MYOM3: variants seen among roughly 807,000 people sequenced by gnomAD.
MYOM3 encodes the protein myomesin 3, also known as myomesin-3.
A neutral mutation model predicts 191.7 loss-of-function variants in MYOM3; 155 were observed. The observed-to-expected ratio is 0.81, with a 90% CI of 0.71 to 0.92. The LOEUF is 0.92. Among genes scored for constraint, MYOM3 ranks in the 40% least tolerant of loss-of-function variants. The pLI is 0.00. For synonymous variants in MYOM3, 757 were observed against 762.9 expected (o/e 0.99, Z 0.13); for missense variants, 1,889 against 1,890.6 (o/e 1.00, Z 0.02).
At chr1:24,093,208 G>C (rs1038784606) in intron 9 of MYOM3, 100 bp from the exon 10 acceptor site, 6 of 762,750 alleles carry the variant, frequency 7.9e-6, no homozygotes, top group Non-Finnish European at 1.3e-5. Flanking sequence ...GCTGGGCAGA[G>C]AGAGAGGCTG....
chr1:24,061,498 T>C (rs1312617201), intron 33 of MYOM3, among the ~76,000 whole-genome samples, 189 bp from the exon 34 acceptor site: 1 of 152,214 alleles, frequency 6.6e-6, no homozygotes, highest in African/African-American at 2.4e-5. Context: ...CATGGGATTT[T>C]CTTTTTTCTT....
Position 24,087,561 on chromosome 1 carries a change from T to C in MYOM3, c.1615-734A>G, listed in dbSNP as rs1296521499. Among the ~76,000 whole-genome samples the C allele has an allele frequency of 6.6e-6, 1 of 152,206 alleles. No homozygotes were observed. The highest frequency in any genetic ancestry group is 1.5e-5 in the Non-Finnish European group (1 of 68,038). On this transcript the variant is annotated intron_variant, in intron 14 of 36. Transcript: ENST00000374434. The surrounding 1 kb of genome is among the most constrained non-coding windows in gnomAD (Gnocchi z 4.5). ...CCCACCTCTGGGCCTTTGCACTTGC[T>C]GGTCCCTCAGCCTGGAATGTTCTTC...
Position 24,067,032 on chromosome 1 carries a change from G to T in MYOM3, c.3412C>A (p.Leu1138Met). The T allele has an allele frequency of 1.3e-6, 2 of 1,573,030 alleles. No homozygotes were observed. The highest frequency in any genetic ancestry group is 1.7e-6 in the Non-Finnish European group (2 of 1,157,256). Residue 1138 changes from leucine to methionine, a missense_variant, in exon 28 of 37, where the codon CTG becomes ATG. Coordinates refer to ENST00000374434, the MANE Select transcript of MYOM3 (RefSeq NM_152372.4). Reference protein sequence around the residue: ...WKVTEDCQVQLTCKVTNTKKE... With the variant: ...WKVTEDCQVQMTCKVTNTKKE... ...AGGGCAGGACTTGCCTTGCACGTCA[G>T]CTGCACTTGGCAGTCCTCCGTGACC...
In MYOM3 at chr1:24,057,360, G is replaced by A. The variant is rs768950309; in HGVS notation, c.*4C>T. On this transcript the variant is annotated 3_prime_UTR_variant, in exon 37 of 37. Coordinates refer to ENST00000374434, the MANE Select transcript of MYOM3 (RefSeq NM_152372.4). ...AGACTCAGACTGTGCCTGGACACAC[G>A]CTGTCACATGCTCTTCAGCTCCTTG... 5.6e-6 allele frequency: 9 copies of A among 1,611,328 alleles called. No homozygotes were observed. Among genetic ancestry groups the A allele is most frequent in the South Asian group, 2.2e-5 (2 of 90,828 alleles).
Position 24,063,498 on chromosome 1 carries a change from TC to T in MYOM3, c.3654del (p.Ile1219LeufsTer9). The T allele has an allele frequency of 6.2e-7, 1 of 1,614,060 alleles. No individual in the cohort carries two copies. Among genetic ancestry groups the T allele is most frequent in the Non-Finnish European group, 8.5e-7 (1 of 1,179,994 alleles). The stretch of plus-strand genomic sequence containing the variant: ...AAAGAGGCAGGCTGCTTACCACCAA[TC>T]CTGCCCAACTCGGTGAAGATGGCAT... The part of the protein sequence containing the change: ...ALDAIFTELG[R>X]IGALSATPLK... On this transcript the variant is annotated frameshift_variant, in exon 31 of 37. Coordinates refer to ENST00000374434, the MANE Select transcript of MYOM3 (RefSeq NM_152372.4). LOFTEE classifies it high-confidence loss of function. The surrounding 1 kb of genome is among the most constrained non-coding windows in gnomAD (Gnocchi z 4.5).
chr1:24,109,169 C>T (rs908885843), intron 1 of MYOM3, among the ~76,000 whole-genome samples: 2 of 152,218 alleles, frequency 1.3e-5, no homozygotes, highest in African/African-American at 2.4e-5. Flanking sequence ...CTCCTCCTGG[C>T]CCGCTTGGCT....
At chr1:24,067,873 G>A in intron 27 of MYOM3, 97 bp downstream of exon 27, 2 of 1,196,410 alleles carry the variant, frequency 1.7e-6, no homozygotes, top group Non-Finnish European at 2.5e-6. Flanking sequence ...CTCCCTTGGG[G>A]ACCCAGCAGG....
At chr1:24,064,532 G>C (rs1643411894) in intron 29 of MYOM3, among the ~76,000 whole-genome samples, 1 of 152,262 alleles carries the variant, frequency 6.6e-6, no homozygotes, top group Admixed American at 6.5e-5. Context: ...ACTCCCTGGG[G>C]GCTCCTGGAT....
chr1:24,074,324 T>G, intron 22 of MYOM3, 55 bp from the exon 23 acceptor site: 1 of 1,381,670 alleles, frequency 7.2e-7, no homozygotes, highest in Admixed American at 1.9e-5. Flanking sequence ...TCCTGTGCAC[T>G]AGAGGCCTGG....
At chr1:24,099,975 C>A (rs1643900711) in intron 5 of MYOM3, among the ~76,000 whole-genome samples, 200 bp from the exon 6 acceptor site, 1 of 152,120 alleles carries the variant, frequency 6.6e-6, no homozygotes, top group Admixed American at 6.5e-5. Context: ...TCAAGCAGTT[C>A]TCCCTGCCTC....
At chr1:24,061,213 G>C (rs779655722) in intron 34 of MYOM3, 60 bp downstream of exon 34, 21 of 1,609,900 alleles carry the variant, frequency 1.3e-5, no homozygotes, top group Non-Finnish European at 1.7e-5. Flanking sequence ...CCTGAGCCTA[G>C]TTTATGCCAC....
rs371501637 is a variant in MYOM3 at position 24,064,127 on chromosome 1, C to T, written c.3567G>A (p.Ala1189=). ...CCTCCCCTCGATCGTCAGAAACCAT[C>T]GCTCTGTAAATTCCCTTGTCCTTTT... ...LSKKDKGIYR[A]MVSDDRGEDD... The change falls in exon 30 of 37, where the codon GCG becomes GCA. Residue 1189 remains alanine, a synonymous_variant. Transcript: ENST00000374434. 150 of 1,614,050 alleles carry T rather than the reference C, an allele frequency of 9.3e-5. No individual in the cohort carries two copies. In the African/African-American group the frequency reaches 1.6e-3, roughly 17 times the overall value.
rs763960819 is a variant in MYOM3, at chr1:24,107,126, G to A, written c.349C>T (p.Gln117Ter). ...CTCTGGCGCAGCAGCCGGTGGGTCT[G>A]CAGGAAGGCGATCTCAGTCCTCTCC... is the stretch of plus-strand genomic sequence containing the variant. ...DWERTEIAFLQTHRLLRQRRD... is the reference protein window; with the variant it reads ...DWERTEIAFL The change falls in exon 4 of 37, where the codon CAG (glutamine) becomes TAG (stop). Residue 117 changes from glutamine to a stop codon, truncating the protein, a stop_gained. Coordinates refer to ENST00000374434, the MANE Select transcript of MYOM3 (RefSeq NM_152372.4). LOFTEE classifies it high-confidence loss of function. 26 of 1,612,506 alleles carry A rather than the reference G, an allele frequency of 1.6e-5. No homozygotes were observed. In the East Asian group the frequency reaches 5.4e-4, roughly 33 times the overall value.
At chr1:24,107,264 A>G in intron 3 of MYOM3, 32 bp from the exon 4 acceptor site, 1 of 1,563,664 alleles carries the variant, frequency 6.4e-7, no homozygotes, top group Non-Finnish European at 8.7e-7. Flanking sequence ...GGGCTCAGGC[A>G]GGGATGGGGG....
At chr1:24,085,102 T>C (rs1037245374) in intron 15 of MYOM3, among the ~76,000 whole-genome samples, 2 of 135,484 alleles carry the variant, frequency 1.5e-5, no homozygotes, top group South Asian at 4.5e-4. Context: ...GGATGGTTGG[T>C]TGGATGAATG....
At chr1:24,099,904 G>T in intron 5 of MYOM3, 129 bp from the exon 6 acceptor site, 1 of 690,322 alleles carries the variant, frequency 1.4e-6, no homozygotes, top group Non-Finnish European at 2.6e-6. Flanking sequence ...GTTTTGCTTT[G>T]TCACCCAGGC....
chr1:24,073,837 T>C (rs1330877979), intron 23 of MYOM3, among the ~76,000 whole-genome samples: 3 of 124,456 alleles, frequency 2.4e-5, no homozygotes, highest in Non-Finnish European at 4.7e-5. Flanking sequence ...CATTCCAGCC[T>C]GGGCGACAGA....
chr1:24,102,928 G>A (rs564617625), intron 5 of MYOM3, among the ~76,000 whole-genome samples: 35 of 152,220 alleles, frequency 2.3e-4, no homozygotes, highest in African/African-American at 7.9e-4. Flanking sequence ...GGGGCTGGAC[G>A]GAACCTCTGG....
At position 24,093,004 on chromosome 1, in the gene MYOM3, C is replaced by T. The variant is rs773985279; in HGVS notation, c.1033G>A (p.Val345Ile). ...TYKEDEGLYM[V>I]RVPSPFGPRE... ...GGTCCGAAGGGCGAGGGCACCCGGACCATGTAGAGCCCCTCGTCCTCCTTG... is the reference window on the plus strand; with the variant it reads ...GGTCCGAAGGGCGAGGGCACCCGGATCATGTAGAGCCCCTCGTCCTCCTTG... The change falls in exon 10 of 37, where the codon GTC (valine) becomes ATC (isoleucine). Residue 345 changes from valine to isoleucine, a missense_variant. Transcript: ENST00000374434. 3.1e-5 allele frequency: 50 copies of T among 1,612,158 alleles called. No homozygotes were observed. The Admixed American group carries it at 8.4e-4, about 27-fold the overall frequency.
Sources: gnomAD v4.1 joint callset for allele counts (sites outside exome capture counted in the v4.1 genomes callset) on GRCh38, gnomAD v4.1.1 for gene constraint, Gnocchi (gnomAD v3.1) non-coding constraint, MANE v1.5 for transcripts, NCBI Gene and HGNC (gene_info 2026-07-23, HGNC 2026-07-21) for gene names.